Variants in TCF4 observed in about 807,000 individuals in gnomAD.
TCF4 encodes the protein transcription factor 4.
In TCF4, 3 loss-of-function variants were observed where a neutral mutation model predicts 82.1. The ratio of observed to expected loss-of-function variants is 0.04; its 90% confidence interval spans 0.02 to 0.09. The LOEUF is 0.09. Ranked by LOEUF, TCF4 falls within the 10% of genes least tolerant of loss-of-function variation. TCF4 has a pLI of 1.00. For synonymous variants in TCF4, 276 were observed against 309.6 expected (o/e 0.89, Z 1.14); for missense variants, 518 against 852.7 (o/e 0.61, Z 4.89).
intron 3 of TCF4, among the ~76,000 whole-genome samples, chr18:55,541,392 A>T (rs2097163981): frequency 6.6e-6 from 1 of 151,996 alleles, no homozygotes; most frequent in Non-Finnish European, 1.5e-5. Context: ...GGATACCAAT[A>T]ATAAGTGTAG....
chr18:55,322,184 A>G (rs1352881915), intron 8 of TCF4: 20 of 1,054,264 alleles, frequency 1.9e-5, no homozygotes, highest in Non-Finnish European at 2.3e-5. Flanking sequence ...GCCTTAGGGT[A>G]AAAGTGGAAC....
intron 3 of TCF4, among the ~76,000 whole-genome samples, chr18:55,554,079 T>C (rs914620166): frequency 1.3e-5 from 2 of 152,112 alleles, no homozygotes; most frequent in African/African-American, 4.8e-5. Context: ...TTAAAAAAGA[T>C]TTGCAGAACA....
At chr18:55,564,672 A>T (rs2097386127) in intron 3 of TCF4, among the ~76,000 whole-genome samples, 1 of 152,208 alleles carries the variant, frequency 6.6e-6, no homozygotes, top group Non-Finnish European at 1.5e-5. Flanking sequence ...TATAACATAC[A>T]GATGGCTCTA....
chr18:55,596,829 T>C (rs2097691392), intron 2 of TCF4, among the ~76,000 whole-genome samples: 1 of 149,092 alleles, frequency 6.7e-6, no homozygotes, highest in East Asian at 1.9e-4. Flanking sequence ...TAGGTTATCA[T>C]AAAAAAAAAA....
At chr18:55,457,694 CT>C (rs1340637950) in intron 5 of TCF4, among the ~76,000 whole-genome samples, 1 of 152,094 alleles carries the variant, frequency 6.6e-6, no homozygotes, top group African/African-American at 2.4e-5. Flanking sequence ...ACCATGTTGC[CT>C]AGGCTAAAAC....
rs2094380940 is a variant in TCF4, at chr18:55,412,339, A to G, written c.305-8821T>C. Among the ~76,000 whole-genome samples, 3 of 150,490 alleles carry G rather than the reference A, an allele frequency of 2.0e-5. No homozygotes were observed. In the South Asian group the frequency reaches 6.4e-4, roughly 32 times the overall value. Reference sequence around the variant, plus strand: ...GCCTTTAAATGTGCTCATCTCCAATAATGAAGGCTGTTTTTTTTTTTTTTA... The same window carrying G: ...GCCTTTAAATGTGCTCATCTCCAATGATGAAGGCTGTTTTTTTTTTTTTTA... On this transcript the variant is annotated intron_variant, in intron 5 of 19. Coordinates refer to ENST00000354452, the MANE Select transcript of TCF4 (RefSeq NM_001083962.2).
At chr18:55,239,524 T>G (rs1489614279) in intron 15 of TCF4, among the ~76,000 whole-genome samples, 1 of 152,186 alleles carries the variant, frequency 6.6e-6, no homozygotes, top group African/African-American at 2.4e-5. Context: ...TCCATACATG[T>G]ATACACACAC....
At chr18:55,506,800 A>C (rs2096765417) in intron 3 of TCF4, among the ~76,000 whole-genome samples, 1 of 152,182 alleles carries the variant, frequency 6.6e-6, no homozygotes, top group Non-Finnish European at 1.5e-5. Flanking sequence ...TGACAACAAT[A>C]ACTAAGAGTA....
intron 12 of TCF4, 45 bp downstream of exon 12, chr18:55,261,421 C>T: frequency 6.2e-7 from 1 of 1,600,966 alleles, no homozygotes; most frequent in East Asian, 2.2e-5. Flanking sequence ...TAAAGTTCAC[C>T]CTTTACAATG....
intron 6 of TCF4, among the ~76,000 whole-genome samples, chr18:55,372,468 C>T (rs1264336523): frequency 6.6e-6 from 1 of 151,236 alleles, no homozygotes; most frequent in Non-Finnish European, 1.5e-5. Context: ...CAAGCCAGAA[C>T]AAAAATGTGA....
At chr18:55,415,455 G>C (rs1351759178) in intron 5 of TCF4, among the ~76,000 whole-genome samples, 1 of 152,162 alleles carries the variant, frequency 6.6e-6, no homozygotes, top group Non-Finnish European at 1.5e-5. Context: ...TCCTATGTGA[G>C]CAGCCAGCAG....
rs143073626 is a variant in TCF4 at position 55,334,281 on chromosome 18, A to G, written c.549+16078T>C. Among the ~76,000 whole-genome samples the G allele has an allele frequency of 1.2e-3, 188 of 152,294 alleles. 1 individual carries two copies. The highest frequency in any genetic ancestry group is 4.1e-3 in the African/African-American group (172 of 41,576). Reference sequence around the variant, plus strand: ...AATAAAACATCCTAAGCCATACTCTACATGTCTTAAAATACCCCGAAATAA... The same window carrying G: ...AATAAAACATCCTAAGCCATACTCTGCATGTCTTAAAATACCCCGAAATAA... On this transcript the variant is annotated intron_variant, in intron 8 of 19. Transcript: ENST00000354452.
chr18:55,355,187 C>G (rs80154758), intron 6 of TCF4, among the ~76,000 whole-genome samples: 338 of 152,130 alleles, frequency 2.2e-3, no homozygotes, highest in Admixed American at 3.4e-3. Flanking sequence ...AAATTCTGAA[C>G]CACTATAAAA....
chr18:55,261,280 G>C (rs1270993482), intron 12 of TCF4, 186 bp downstream of exon 12: 7 of 690,988 alleles, frequency 1.0e-5, no homozygotes, highest in South Asian at 1.7e-5. Flanking sequence ...ATGAGAGAAA[G>C]AGACTATATA....
intron 5 of TCF4, chr18:55,422,551 G>T: frequency 1.3e-6 from 1 of 764,302 alleles, no homozygotes; most frequent in Non-Finnish European, 1.6e-6. Flanking sequence ...TTCCTATGAT[G>T]GAAATTTAGG....
Position 55,619,137 on chromosome 18 carries a change from A to ATGTT in TCF4, c.286+12157_286+12160dup, listed in dbSNP as rs147143278. 7.7e-4 allele frequency among the ~76,000 whole-genome samples: 116 copies of ATGTT among 151,608 alleles called. 1 individual carries two copies. Among genetic ancestry groups the ATGTT allele is most frequent in the South Asian group, 3.7e-3 (18 of 4,804 alleles). ...TTTGGGTTTTGTTTTGGGTTGTTTT[A>ATGTT]TGTTTGTTTGTTTGTTTGTTTGTTT... On this transcript the variant is annotated intron_variant, in intron 2 of 20. Transcript: ENST00000398339.
rs1329946513 is a variant in TCF4 at position 55,475,776 on chromosome 18, G to A, written c.146-11639C>T. 2.6e-5 allele frequency among the ~76,000 whole-genome samples: 4 copies of A among 152,246 alleles called. No individual in the cohort carries two copies. The East Asian group carries it at 7.7e-4, about 29-fold the overall frequency. On this transcript the variant is annotated intron_variant, in intron 3 of 19. Transcript: ENST00000354452. ...TGAAGTTTCTGTTCTATTTGAATTG[G>A]TAAGAAATATTCTTCAATCGTTGAT...
intron 8 of TCF4, among the ~76,000 whole-genome samples, chr18:55,329,050 G>A (rs1054962489): frequency 6.6e-5 from 10 of 152,142 alleles, no homozygotes; most frequent in South Asian, 4.2e-4. Context: ...TCTGACAAAC[G>A]GAATGAAAAG....
chr18:55,588,711 T>A, upstream of TCF4: 1 of 1,304,702 alleles, frequency 7.7e-7, no homozygotes, highest in Non-Finnish European at 9.7e-7. Flanking sequence ...TTCTTTTTCG[T>A]CTATAAATCA....
Sources: allele counts gnomAD v4.1 joint callset (sites outside exome capture counted in the v4.1 genomes callset), GRCh38; gene constraint gnomAD v4.1.1; transcripts MANE v1.5; gene names NCBI Gene and HGNC (gene_info 2026-07-23, HGNC 2026-07-21).